NFIA: variants seen among roughly 807,000 people sequenced by gnomAD.
NFIA encodes nuclear factor 1 A-type.
Under a neutral mutation model 62.8 loss-of-function variants are expected in NFIA, and 8 were observed. The ratio of observed to expected loss-of-function variants is 0.13; its 90% CI spans 0.07 to 0.23. The LOEUF is 0.23. NFIA is among the 10% of genes least tolerant of loss of function. The pLI is 1.00. For missense variants in NFIA, 410 were observed against 642.1 expected (o/e 0.64, Z 3.91); for synonymous variants, 235 against 238.1 (o/e 0.99, Z 0.12).
chr1:61,121,472 C>T (rs1045837913), intron 2 of NFIA, among the ~76,000 whole-genome samples: 49 of 152,112 alleles, frequency 3.2e-4, no homozygotes, highest in African/African-American at 1.2e-3. Flanking sequence ...AAAAAAACTG[C>T]CTTGCATTTT....
At chr1:61,426,160 T>G (rs1666856618) in intron 9 of NFIA, among the ~76,000 whole-genome samples, 1 of 152,200 alleles carries the variant, frequency 6.6e-6, no homozygotes, top group Non-Finnish European at 1.5e-5. Context: ...GAGCTCATGT[T>G]TAACTCAGAA....
chr1:61,386,912 G>A (rs1172048949), intron 7 of NFIA, among the ~76,000 whole-genome samples: 4 of 152,108 alleles, frequency 2.6e-5, no homozygotes, highest in Non-Finnish European at 4.4e-5. Context: ...GTCTGGTGAG[G>A]GCCCACTTCC....
chr1:61,347,962 T>A (rs1354514013), intron 4 of NFIA, among the ~76,000 whole-genome samples: 1 of 152,212 alleles, frequency 6.6e-6, no homozygotes, highest in Non-Finnish European at 1.5e-5. Flanking sequence ...TCTCCTCATC[T>A]AGCAAATGCA....
chr1:61,126,837 T>A (rs369259572), intron 2 of NFIA, among the ~76,000 whole-genome samples: 1 of 138,038 alleles, frequency 7.2e-6, no homozygotes, highest in African/African-American at 2.7e-5. Context: ...CAGGCTGGAG[T>A]GCAGTGGTGT....
At chr1:61,287,462 C>A (rs914144734) in intron 3 of NFIA, among the ~76,000 whole-genome samples, 3 of 152,096 alleles carry the variant, frequency 2.0e-5, no homozygotes, top group African/African-American at 7.2e-5. Context: ...TAGATTATAA[C>A]CCCCAGGTCT....
chr1:61,349,272 A>G (rs1487932388), intron 4 of NFIA, among the ~76,000 whole-genome samples: 1 of 152,052 alleles, frequency 6.6e-6, no homozygotes, highest in East Asian at 1.9e-4. Context: ...TGTTACTGAG[A>G]GATGTGTTTG....
In NFIA at chr1:61,135,026, T is replaced by C. The variant is rs546513998; in HGVS notation, c.559+46346T>C. ...TTATTTTTGGAACAACTCGAGGCTT[T>C]ACACCCATTCTTTTCCCACATTTAT... On this transcript the variant is annotated intron_variant, in intron 2 of 10. Transcript: ENST00000403491. Among the ~76,000 whole-genome samples the C allele has an allele frequency of 5.4e-4, 83 of 152,368 alleles. 1 individual carries two copies. The highest frequency in any genetic ancestry group is 1.9e-3 in the African/African-American group (79 of 41,592).
chr1:61,237,267 C>A (rs1164040126), intron 2 of NFIA, among the ~76,000 whole-genome samples: 2 of 152,156 alleles, frequency 1.3e-5, no homozygotes, highest in African/African-American at 2.4e-5. Flanking sequence ...GAAAAATATG[C>A]ACTTATTATT....
At chr1:61,133,426 G>A (rs535692603) in intron 2 of NFIA, among the ~76,000 whole-genome samples, 71 of 152,240 alleles carry the variant, frequency 4.7e-4, no homozygotes, top group Non-Finnish European at 9.3e-4. Flanking sequence ...ATAAATACAT[G>A]CATATGTACA....
chr1:61,134,245 AGTGT>A (rs61677972), intron 2 of NFIA, among the ~76,000 whole-genome samples: 19,063 of 146,220 alleles, frequency 0.13, 1,258 homozygotes, highest in Middle Eastern at 0.15. Flanking sequence ...TGTGTGTGTG[AGTGT>A]GTGTGTGTGT....
intron 2 of NFIA, among the ~76,000 whole-genome samples, chr1:61,263,466 G>A (rs1196823249): frequency 1.3e-5 from 2 of 152,210 alleles, no homozygotes; most frequent in African/African-American, 2.4e-5. Context: ...TTTACACACA[G>A]GCGCCCCAGC....
At chr1:61,108,682 A>G (rs903466265) in intron 2 of NFIA, among the ~76,000 whole-genome samples, 2 of 151,580 alleles carry the variant, frequency 1.3e-5, no homozygotes, top group East Asian at 3.9e-4. Flanking sequence ...TCCCTGAATG[A>G]ATCAGAGTTA....
intron 3 of NFIA, among the ~76,000 whole-genome samples, chr1:61,325,201 A>G (rs1473746458): frequency 6.6e-6 from 1 of 152,196 alleles, no homozygotes; most frequent in Non-Finnish European, 1.5e-5. Flanking sequence ...CCAATGGAGG[A>G]TCTTTCAATA....
chr1:61,123,806 C>T (rs1269475406), intron 2 of NFIA, among the ~76,000 whole-genome samples: 1 of 152,162 alleles, frequency 6.6e-6, no homozygotes, highest in East Asian at 1.9e-4. Flanking sequence ...TTTAAACAAA[C>T]AATACACAAG....
intron 4 of NFIA, among the ~76,000 whole-genome samples, chr1:61,346,307 C>G (rs9436207): frequency 0.23 from 35,511 of 152,074 alleles, 4,421 homozygotes; most frequent in African/African-American, 0.31. Flanking sequence ...TTATAGCACA[C>G]CAGAAGGCAG....
chr1:61,282,371 T>C (rs1658188493), intron 3 of NFIA, among the ~76,000 whole-genome samples: 1 of 152,240 alleles, frequency 6.6e-6, no homozygotes, highest in African/African-American at 2.4e-5. Flanking sequence ...CCTTATTTGT[T>C]GGACTTTGAC....
At chr1:61,410,998 T>C (rs1037941076) in intron 9 of NFIA, among the ~76,000 whole-genome samples, 1 of 152,148 alleles carries the variant, frequency 6.6e-6, no homozygotes, top group Non-Finnish European at 1.5e-5. Context: ...TCAACTCCCT[T>C]ATGTATTGAT....
At chr1:61,260,832 G>A (rs1450810206) in intron 2 of NFIA, among the ~76,000 whole-genome samples, 1 of 152,118 alleles carries the variant, frequency 6.6e-6, no homozygotes, top group Non-Finnish European at 1.5e-5. Context: ...TGCCCACCTC[G>A]GCCTCCCGAG....
intron 2 of NFIA, among the ~76,000 whole-genome samples, chr1:61,178,475 A>G (rs1306185303): frequency 6.6e-6 from 1 of 152,190 alleles, no homozygotes; most frequent in Non-Finnish European, 1.5e-5. Context: ...AGGAGCCATT[A>G]TCCTCCTTTC....
Sources: allele counts gnomAD v4.1 joint callset (sites outside exome capture counted in the v4.1 genomes callset), GRCh38; gene constraint gnomAD v4.1.1; transcripts MANE v1.5; gene names NCBI Gene and HGNC (gene_info 2026-07-23, HGNC 2026-07-21).